Variants in ATXN1 observed in about 807,000 individuals in gnomAD.
The protein encoded by ATXN1 is ataxin 1, also known as ataxin-1.
Under a neutral mutation model 56.4 loss-of-function variants are expected in ATXN1, and 8 were observed. That is an observed-to-expected ratio of 0.14 (90% CI 0.08 to 0.26). The LOEUF is 0.26. Ranked by LOEUF, ATXN1 falls within the 10% of genes least tolerant of loss-of-function variation. The pLI, the probability that ATXN1 is intolerant of heterozygous loss-of-function variation, is 1.00. For synonymous variants in ATXN1, 514 were observed against 494.6 expected, an observed-to-expected ratio of 1.04 and a Z score of -0.52; for missense variants, 987 against 1,106.5, an observed-to-expected ratio of 0.89 and a Z score of 1.53.
At position 16,301,768 on chromosome 6, in the gene ATXN1, A is replaced by C. The variant is rs1370165018; in HGVS notation, c.*4561T>G. The C allele has an allele frequency of 1.3e-5, 2 of 152,614 alleles. No individual in the cohort carries two copies. Among genetic ancestry groups the C allele is most frequent in the African/African-American group, 4.8e-5 (2 of 41,420 alleles). The allele number at this position is 152,614 out of a possible 1,614,324, so 9.5% of individuals were successfully genotyped here. ...TGGTTCATGAAACAGTAGCCATGAC[A>C]ACCAACACAGCTCAAGAAGCCCGGC... On this transcript the variant is annotated 3_prime_UTR_variant, in exon 8 of 8. Coordinates refer to ENST00000436367, the MANE Select transcript of ATXN1 (RefSeq NM_001128164.2).
intron 3 of ATXN1, among the ~76,000 whole-genome samples, chr6:16,587,803 C>CAGCACAT (rs1561768159): frequency 6.6e-6 from 1 of 151,598 alleles, no homozygotes; most frequent in Non-Finnish European, 1.5e-5. Flanking sequence ...TGGTGGTGGG[C>CAGCACAT]GCCTGTAATC....
chr6:16,458,118 G>C (rs757513449), intron 6 of ATXN1, among the ~76,000 whole-genome samples: 19 of 152,160 alleles, frequency 1.2e-4, no homozygotes, highest in Non-Finnish European at 2.8e-4. Flanking sequence ...CGAGAATTTG[G>C]AGATACCTGG....
At chr6:16,393,504 G>C (rs1758396273) in intron 6 of ATXN1, among the ~76,000 whole-genome samples, 1 of 152,148 alleles carries the variant, frequency 6.6e-6, no homozygotes, top group African/African-American at 2.4e-5. Flanking sequence ...CAAAGTGTTG[G>C]AATTGTAGGT....
intron 6 of ATXN1, among the ~76,000 whole-genome samples, chr6:16,344,036 G>A (rs530069575): frequency 6.6e-6 from 1 of 152,320 alleles, no homozygotes; most frequent in South Asian, 2.1e-4. Flanking sequence ...GTTCCCAGAT[G>A]CTGCTGATGC....
rs1369874826 is a variant in ATXN1, at chr6:16,306,208, T to G, written c.*121A>C. The G allele has an allele frequency of 7.9e-7, 1 of 1,262,498 alleles. No homozygotes were observed. Among genetic ancestry groups the G allele is most frequent in the Non-Finnish European group, 1.1e-6 (1 of 918,328 alleles). The allele number at this position is 1,262,498 out of a possible 1,614,324, so 78.2% of individuals were successfully genotyped here. On this transcript the variant is annotated 3_prime_UTR_variant, in exon 8 of 8. Coordinates refer to ENST00000436367, the MANE Select transcript of ATXN1 (RefSeq NM_001128164.2). This position sits in a 1 kb window ranked among gnomAD's most constrained non-coding sequence, Gnocchi z 5.2. ...CCTGCTGTAACTCTAATGACAAGGT[T>G]AGAACAGAAACCTAAAATTAAGAAG...
chr6:16,407,903 A>G (rs1758717317), intron 6 of ATXN1, among the ~76,000 whole-genome samples: 2 of 152,224 alleles, frequency 1.3e-5, no homozygotes, highest in African/African-American at 4.8e-5. Flanking sequence ...GCCAGGGATA[A>G]TGGTGCCATG....
chr6:16,427,069 C>T (rs1759172736), intron 6 of ATXN1, among the ~76,000 whole-genome samples: 1 of 152,146 alleles, frequency 6.6e-6, no homozygotes, highest in Non-Finnish European at 1.5e-5. Context: ...TGTGGATGGA[C>T]ACGGTCTAGA....
At chr6:16,617,726 C>T (rs566965232) in intron 3 of ATXN1, among the ~76,000 whole-genome samples, 244 of 145,582 alleles carry the variant, frequency 1.7e-3, no homozygotes, top group African/African-American at 6.2e-3. Flanking sequence ...GAGATCACGC[C>T]GCTGCACTCC....
At chr6:16,417,943 C>T (rs1045192265) in intron 6 of ATXN1, among the ~76,000 whole-genome samples, 2 of 152,134 alleles carry the variant, frequency 1.3e-5, no homozygotes, top group African/African-American at 4.8e-5. Context: ...AAAGGCCCTC[C>T]ATATTATTCC....
chr6:16,331,104 G>A (rs367970456), intron 6 of ATXN1, among the ~76,000 whole-genome samples: 3 of 152,088 alleles, frequency 2.0e-5, no homozygotes, highest in Non-Finnish European at 2.9e-5. Flanking sequence ...GGGTTCAAGC[G>A]ATTCTCCTGC....
chr6:16,315,902 A>G (rs981573338), intron 7 of ATXN1, among the ~76,000 whole-genome samples: 1 of 152,110 alleles, frequency 6.6e-6, no homozygotes, highest in Non-Finnish European at 1.5e-5. Flanking sequence ...GGCTGGTTTC[A>G]AAACTCCTGG....
At chr6:16,365,438 A>G (rs1761898102) in intron 6 of ATXN1, among the ~76,000 whole-genome samples, 1 of 152,232 alleles carries the variant, frequency 6.6e-6, no homozygotes, top group Non-Finnish European at 1.5e-5. Flanking sequence ...TTGGCCTCCC[A>G]AAGTGCTGGG....
intron 3 of ATXN1, among the ~76,000 whole-genome samples, chr6:16,637,317 AG>A (rs1218969388): frequency 2.2e-5 from 3 of 135,570 alleles, no homozygotes; most frequent in South Asian, 2.6e-4. Context: ...GGTCACAGGA[AG>A]GGGAACATCG....
At chr6:16,650,195 A>G (rs972904745) in intron 3 of ATXN1, among the ~76,000 whole-genome samples, 2 of 152,188 alleles carry the variant, frequency 1.3e-5, no homozygotes, top group African/African-American at 4.8e-5. Flanking sequence ...GTGCATGGTT[A>G]TTATATACAT....
intron 6 of ATXN1, among the ~76,000 whole-genome samples, chr6:16,397,323 T>TGCAATG (rs2113530413): frequency 6.6e-6 from 1 of 152,308 alleles, no homozygotes; most frequent in South Asian, 2.1e-4. Context: ...CAGGCTGGAG[T>TGCAATG]GCAATGGCAC....
intron 4 of ATXN1, among the ~76,000 whole-genome samples, chr6:16,574,453 C>G (rs569588373): frequency 5.3e-5 from 8 of 152,316 alleles, no homozygotes; most frequent in African/African-American, 1.9e-4. Context: ...AGGTGATCCG[C>G]CCGCCTCGGC....
chr6:16,663,645 TTTTTATTTATTTATTTA>T (rs1231781071), intron 2 of ATXN1, among the ~76,000 whole-genome samples: 11 of 120,832 alleles, frequency 9.1e-5, no homozygotes, highest in African/African-American at 4.1e-4. Flanking sequence ...GTTTTTTAAT[TTTTTATTTATTTATTTA>T]TTTATTTATT....
chr6:16,537,567 G>A (rs79202621), intron 4 of ATXN1, among the ~76,000 whole-genome samples: 1 of 152,008 alleles, frequency 6.6e-6, no homozygotes, highest in Non-Finnish European at 1.5e-5. Flanking sequence ...TTAGCTGGAC[G>A]TGGTGGCAGG....
At chr6:16,648,699 T>C (rs1045965452) in intron 3 of ATXN1, among the ~76,000 whole-genome samples, 1 of 152,192 alleles carries the variant, frequency 6.6e-6, no homozygotes, top group African/African-American at 2.4e-5. Flanking sequence ...TCAACTTACA[T>C]GAAATGCTAA....
Sources: gnomAD v4.1 joint callset for allele counts (sites outside exome capture counted in the v4.1 genomes callset) on GRCh38, gnomAD v4.1.1 for gene constraint, Gnocchi (gnomAD v3.1) non-coding constraint, MANE v1.5 for transcripts, NCBI Gene and HGNC (gene_info 2026-07-23, HGNC 2026-07-21) for gene names.